Variants in TJP3 observed in about 807,000 individuals in gnomAD.
TJP3 encodes the protein tight junction protein 3, also known as tight junction protein ZO-3.
In TJP3, 85 loss-of-function variants were observed where a neutral mutation model predicts 104.2. The ratio of observed to expected loss-of-function variants is 0.82; its 90% CI spans 0.68 to 0.98. TJP3 has a LOEUF of 0.98. TJP3 is among the 50% of genes least tolerant of loss of function. The pLI is 0.00. For synonymous variants in TJP3, 550 were observed against 550.6 expected, an observed-to-expected ratio of 1.00 and a Z score of 0.02; for missense variants, 1,367 against 1,322.8, an observed-to-expected ratio of 1.03 and a Z score of -0.52.
intron 1 of TJP3, among the ~76,000 whole-genome samples, chr19:3,716,620 C>T (rs1205568439): frequency 6.8e-6 from 1 of 146,092 alleles, no homozygotes; most frequent in Non-Finnish European, 1.5e-5. Context: ...GGACTTTAAC[C>T]CACTTATTTC....
At chr19:3,713,882 A>ATT (rs1157776355) in intron 1 of TJP3, among the ~76,000 whole-genome samples, 14 of 135,766 alleles carry the variant, frequency 1.0e-4, no homozygotes, top group South Asian at 2.4e-4. Context: ...TGCCCAGCTA[A>ATT]TTTTTTTTTT....
intron 1 of TJP3, among the ~76,000 whole-genome samples, chr19:3,713,607 A>G (rs1042112221): frequency 6.6e-6 from 1 of 152,192 alleles, no homozygotes; most frequent in Non-Finnish European, 1.5e-5. Flanking sequence ...CTTGGTTTTG[A>G]CATATGTACC....
chr19:3,726,747 C>T (rs1180870003), intron 1 of TJP3, among the ~76,000 whole-genome samples: 1 of 151,984 alleles, frequency 6.6e-6, no homozygotes, highest in Admixed American at 6.6e-5. Flanking sequence ...CCTATAGTCC[C>T]AGTTACTCAG....
chr19:3,733,819 G>C lies in TJP3; in HGVS notation c.784G>C (p.Gly262Arg). 1 of 1,614,236 alleles carries C rather than the reference G, an allele frequency of 6.2e-7. No homozygotes were observed. Among genetic ancestry groups the C allele is most frequent in the Non-Finnish European group, 8.5e-7 (1 of 1,180,042 alleles). Reference protein sequence around the residue: ...DTRRLIEKSEGKLSLLVLRDR... With the variant: ...DTRRLIEKSERKLSLLVLRDR... ...CCGGCGACTGATTGAGAAGTCAGAA[G>C]GGAAGCTAAGCCTGCTGGTGCTGAG... Residue 262 changes from glycine (G) to arginine (R), a missense_variant, in exon 7 of 21, where the codon GGG (glycine) becomes CGG (arginine). By Grantham distance (125) the Gly-to-Arg change is moderately radical (BLOSUM62 -2). Coordinates refer to ENST00000541714, the MANE Select transcript of TJP3 (RefSeq NM_001267560.2).
Position 3,735,566 on chromosome 19 carries a change from G to T in TJP3, c.987G>T (p.Val329=). ...TCACTCCCAATCTGTTCCCCACCAG[G>T]GAGAGTCCCCGGCTTCGGCGGGAAA... The part of the protein sequence containing the change: ...SPEASQTDSP[V]ESPRLRRESS... The change falls in exon 9 of 21, where the codon GTG becomes GTT. Residue 329 remains valine, a splice_region_variant and synonymous_variant. Transcript: ENST00000541714. 1 of 1,614,176 alleles carries T rather than the reference G, an allele frequency of 6.2e-7. No homozygotes were observed. Among genetic ancestry groups the T allele is most frequent in the Non-Finnish European group, 8.5e-7 (1 of 1,180,028 alleles).
chr19:3,748,084 G>C lies in TJP3; in HGVS notation c.2610+3G>C, dbSNP rs1249864549. 6.4e-7 allele frequency: 1 copy of C among 1,553,424 alleles called. No individual in the cohort carries two copies. Among genetic ancestry groups the C allele is most frequent in the Non-Finnish European group, 8.7e-7 (1 of 1,147,874 alleles). ...TCTCGGCTCATCAGGGGGCCCAGGT[G>C]CGTCGGACATGGGGGGCAGGCCTGG... On this transcript the variant is annotated splice_donor_region_variant and intron_variant, in intron 19 of 20. Coordinates refer to ENST00000541714, the MANE Select transcript of TJP3 (RefSeq NM_001267560.2).
intron 1 of TJP3, among the ~76,000 whole-genome samples, chr19:3,725,587 G>A (rs1224732405): frequency 6.6e-6 from 1 of 151,480 alleles, no homozygotes; most frequent in Admixed American, 6.6e-5. Context: ...AGCTACTCGG[G>A]AGGCTGAGTC....
Position 3,746,613 on chromosome 19 carries a change from G to A in TJP3, c.2139G>A (p.Leu713=). 1.9e-6 allele frequency: 3 copies of A among 1,611,292 alleles called. No individual in the cohort carries two copies. Among genetic ancestry groups the A allele is most frequent in the Non-Finnish European group, 2.5e-6 (3 of 1,179,482 alleles). The part of the protein sequence containing the change: ...RPALKALRQW[L]APASRRSTRR... ...CCCTCAAGGCACTGCGCCAGTGGCT[G>A]GCGCCTGCCTCCCGCCGCAGCACCC... Residue 713 remains leucine (L), a synonymous_variant, in exon 17 of 21, where the codon CTG becomes CTA. Coordinates refer to ENST00000541714, the MANE Select transcript of TJP3 (RefSeq NM_001267560.2). This position sits in a 1 kb window ranked among gnomAD's most constrained non-coding sequence, Gnocchi z 4.1.
intron 1 of TJP3, among the ~76,000 whole-genome samples, chr19:3,709,665 T>G (rs1382931603): frequency 6.6e-6 from 1 of 152,074 alleles, no homozygotes; most frequent in Non-Finnish European, 1.5e-5. Context: ...GGCCCGGCAT[T>G]TGGGGTCACC....
At chr19:3,729,947 G>C (rs1167521082) in intron 3 of TJP3, 81 bp from the exon 4 acceptor site, 1 of 1,152,718 alleles carries the variant, frequency 8.7e-7, no homozygotes, top group East Asian at 2.4e-5. Context: ...AGGTTCCAGG[G>C]GCACCCCCTC....
At chr19:3,710,882 G>C (rs1376776783) in intron 1 of TJP3, among the ~76,000 whole-genome samples, 1 of 152,076 alleles carries the variant, frequency 6.6e-6, no homozygotes. Context: ...ACATGCGTGA[G>C]AGGCGCTTTG....
chr19:3,726,369 G>A (rs945295250), intron 1 of TJP3, among the ~76,000 whole-genome samples: 1 of 151,564 alleles, frequency 6.6e-6, no homozygotes, highest in African/African-American at 2.4e-5. Context: ...AGGCCAAGGC[G>A]GGCGGATCAC....
At chr19:3,741,979 CAAA>C (rs937963121) in intron 14 of TJP3, among the ~76,000 whole-genome samples, 3 of 151,364 alleles carry the variant, frequency 2.0e-5, no homozygotes, top group African/African-American at 7.3e-5. Flanking sequence ...TCAAAAAAAA[CAAA>C]AAAACAAAAA....
intron 1 of TJP3, among the ~76,000 whole-genome samples, chr19:3,722,922 C>G (rs1455481906): frequency 8.1e-6 from 1 of 123,372 alleles, no homozygotes; most frequent in Non-Finnish European, 1.6e-5. Context: ...TGACTTGGTA[C>G]CGGCCCCGTC....
chr19:3,738,762 T>C, intron 12 of TJP3, 99 bp downstream of exon 12: 1 of 1,322,562 alleles, frequency 7.6e-7, no homozygotes, highest in African/African-American at 1.4e-5. Context: ...AATCTGCATC[T>C]CTGCACCCTC....
intron 1 of TJP3, among the ~76,000 whole-genome samples, chr19:3,724,533 G>A (rs1352786327): frequency 1.3e-5 from 2 of 151,646 alleles, no homozygotes; most frequent in East Asian, 1.9e-4. Context: ...AAATTCCTTG[G>A]GGCCATTTAA....
chr19:3,718,016 C>A (rs1249568962), intron 1 of TJP3, among the ~76,000 whole-genome samples: 1 of 151,130 alleles, frequency 6.6e-6, no homozygotes, highest in African/African-American at 2.4e-5. Flanking sequence ...GAGTTTGAGA[C>A]CATCCTGGCT....
chr19:3,750,288 G>A (rs926749514), intron 20 of TJP3, 104 bp downstream of exon 20: 1 of 1,491,216 alleles, frequency 6.7e-7, no homozygotes, highest in Non-Finnish European at 9.3e-7. Context: ...GGTGCCCCTA[G>A]CCTAGTGGGG....
chr19:3,736,465 C>A, intron 11 of TJP3, 144 bp downstream of exon 11: 1 of 824,148 alleles, frequency 1.2e-6, no homozygotes. Flanking sequence ...TCAGTGTCTC[C>A]TTGGCTGTGT....
Sources: gnomAD v4.1 joint callset for allele counts (sites outside exome capture counted in the v4.1 genomes callset) on GRCh38, gnomAD v4.1.1 for gene constraint, Gnocchi (gnomAD v3.1) non-coding constraint, MANE v1.5 for transcripts, NCBI Gene and HGNC (gene_info 2026-07-23, HGNC 2026-07-21) for gene names.